TBC1D22A: variants seen among roughly 807,000 people sequenced by gnomAD.
The protein encoded by TBC1D22A is putative GTPase activator.
Under a neutral mutation model 60.2 loss-of-function variants are expected in TBC1D22A, and 38 were observed. The ratio of observed to expected loss-of-function variants is 0.63; its 90% CI spans 0.49 to 0.83. TBC1D22A has a LOEUF of 0.83. Ranked by LOEUF, TBC1D22A falls within the 40% of genes least tolerant of loss-of-function variation. TBC1D22A has a pLI of 0.00. For missense variants in TBC1D22A, 628 were observed against 701.0 expected (o/e 0.90, Z 1.18); for synonymous variants, 302 against 281.7 (o/e 1.07, Z -0.72).
chr22:47,096,619 T>C (rs181189498), intron 11 of TBC1D22A, among the ~76,000 whole-genome samples: 3 of 152,046 alleles, frequency 2.0e-5, no homozygotes, highest in Non-Finnish European at 2.9e-5. Context: ...GCCAGGAGTT[T>C]GAGACCAGCC....
In TBC1D22A at chr22:47,173,764, G is replaced by A. The variant is rs2068582460; in HGVS notation, c.*138G>A. On this transcript the variant is annotated 3_prime_UTR_variant, in exon 13 of 13. Transcript: ENST00000337137. ...GGCCCCACCCTCCAGGGGAGCTGGT[G>A]AAGATGGGCCACAGACCTGGTCTAG... 3 of 1,337,690 alleles carry A rather than the reference G, an allele frequency of 2.2e-6. No individual in the cohort carries two copies. The highest frequency in any genetic ancestry group is 2.1e-6 in the Non-Finnish European group (2 of 971,986). The allele number at this position is 1,337,690 out of a possible 1,614,324, so 82.9% of individuals were successfully genotyped here. A position where few individuals can be genotyped will look rare whatever the true frequency, so the allele number is the denominator to read the frequency against.
chr22:46,860,124 C>T (rs1303422913), intron 4 of TBC1D22A, among the ~76,000 whole-genome samples: 1 of 1,984 alleles, frequency 5.0e-4, no homozygotes, highest in African/African-American at 0.011. Flanking sequence ...TGCCGTGCCC[C>T]TTCCCGGGAC....
At chr22:46,915,768 AG>A (rs2070322990) in intron 8 of TBC1D22A, 1 of 456,654 alleles carries the variant, frequency 2.2e-6, no homozygotes, top group Non-Finnish European at 4.4e-6. Context: ...GAGCCTGTAA[AG>A]ATCCACAGAT....
At chr22:46,812,740 A>G (rs567123117) in intron 4 of TBC1D22A, among the ~76,000 whole-genome samples, 1 of 152,272 alleles carries the variant, frequency 6.6e-6, no homozygotes, top group East Asian at 1.9e-4. Context: ...GGCTTTACTG[A>G]CCCTTGTTTT....
intron 1 of TBC1D22A, chr22:46,774,279 A>C (rs546838428): frequency 3.7e-5 from 36 of 985,226 alleles, no homozygotes; most frequent in Middle Eastern, 5.2e-4. Context: ...CTCTTTGCAG[A>C]CAAGAGGCAG....
intron 12 of TBC1D22A, among the ~76,000 whole-genome samples, chr22:47,165,934 C>T (rs947786582): frequency 3.3e-5 from 5 of 152,194 alleles, no homozygotes; most frequent in Admixed American, 2.0e-4. Flanking sequence ...CTGCTCCCCG[C>T]GTCGCATGTC....
intron 1 of TBC1D22A, among the ~76,000 whole-genome samples, chr22:46,791,243 A>C (rs1038980223): frequency 6.6e-6 from 1 of 152,134 alleles, no homozygotes; most frequent in Non-Finnish European, 1.5e-5. Context: ...GCTGGTCCTA[A>C]ACTCCTGAGC....
intron 12 of TBC1D22A, among the ~76,000 whole-genome samples, chr22:47,156,839 A>G (rs1198994899): frequency 1.3e-5 from 2 of 151,862 alleles, no homozygotes; most frequent in East Asian, 3.9e-4. Context: ...CGCGCCGACC[A>G]CCCGATGCTC....
At position 46,775,615 on chromosome 22, in the gene TBC1D22A, A is replaced by G. The variant is rs2083671977; in HGVS notation, c.62+12767A>G. ...TAGAGGGTTGTTGGCTGTGGGCCGC[A>G]TTTTGTTTTCTCTTAGAATTAATCT... On this transcript the variant is annotated intron_variant, in intron 1 of 12. Transcript: ENST00000337137. Among the ~76,000 whole-genome samples the G allele has an allele frequency of 2.6e-5, 4 of 152,146 alleles. No individual in the cohort carries two copies. In the South Asian group the frequency reaches 6.2e-4, roughly 24 times the overall value.
chr22:47,166,012 C>A (rs765407733), intron 12 of TBC1D22A, among the ~76,000 whole-genome samples: 1 of 152,228 alleles, frequency 6.6e-6, no homozygotes, highest in Non-Finnish European at 1.5e-5. Flanking sequence ...GCAAATGGGC[C>A]TTTTAGCCCC....
intron 8 of TBC1D22A, among the ~76,000 whole-genome samples, chr22:46,958,132 C>T (rs1367791765): frequency 1.3e-5 from 2 of 152,038 alleles, no homozygotes; most frequent in Non-Finnish European, 2.9e-5. Context: ...CATCAGGGAG[C>T]CCTGAGGGCT....
chr22:47,055,695 C>T (rs780289907), intron 11 of TBC1D22A, among the ~76,000 whole-genome samples: 7 of 152,002 alleles, frequency 4.6e-5, no homozygotes, highest in Non-Finnish European at 8.8e-5. Context: ...TGGGCAGGCG[C>T]ACCTAGGAGG....
intron 5 of TBC1D22A, 29 bp from the exon 6 acceptor site, chr22:46,891,237 T>C (rs1447736648): frequency 1.9e-6 from 3 of 1,590,636 alleles, no homozygotes; most frequent in Non-Finnish European, 2.6e-6. Context: ...GCTATAACCA[T>C]GTATATTTTT....
intron 12 of TBC1D22A, among the ~76,000 whole-genome samples, chr22:47,112,705 C>T (rs889069851): frequency 6.6e-6 from 1 of 152,238 alleles, no homozygotes; most frequent in African/African-American, 2.4e-5. Flanking sequence ...GACGCTCCTT[C>T]TGCTAACTTA....
chr22:47,100,122 T>TG (rs1376182163), intron 11 of TBC1D22A, among the ~76,000 whole-genome samples: 2 of 152,346 alleles, frequency 1.3e-5, no homozygotes, highest in African/African-American at 4.8e-5. Flanking sequence ...TCCAGGGTGC[T>TG]GCCTGGCCCA....
chr22:46,874,274 A>C (rs2147455689), intron 4 of TBC1D22A, among the ~76,000 whole-genome samples: 1 of 152,148 alleles, frequency 6.6e-6, no homozygotes, highest in Non-Finnish European at 1.5e-5. Context: ...TAATAGAACG[A>C]TTTATATTAT....
rs543060444 is a variant in TBC1D22A, at chr22:46,937,220, A to T, written c.1015+25032A>T. ...AGAACAAGGAGAAAATCTTATTTTT[A>T]AAAAATAGAAGAAAATGCATTCTAG... On this transcript the variant is annotated intron_variant, in intron 8 of 12. Coordinates refer to ENST00000337137, the MANE Select transcript of TBC1D22A (RefSeq NM_014346.5). Among the ~76,000 whole-genome samples the T allele has an allele frequency of 4.6e-5, 7 of 152,324 alleles. No individual in the cohort carries two copies. The East Asian group carries it at 5.8e-4, about 13-fold the overall frequency.
At chr22:46,864,331 C>G (rs973487546) in intron 4 of TBC1D22A, among the ~76,000 whole-genome samples, 18 of 152,198 alleles carry the variant, frequency 1.2e-4, no homozygotes, top group Non-Finnish European at 2.6e-4. Flanking sequence ...ACAGAGCAGC[C>G]ACTATCCCTT....
chr22:46,765,055 T>G (rs1343168128), intron 1 of TBC1D22A, among the ~76,000 whole-genome samples: 1 of 152,246 alleles, frequency 6.6e-6, no homozygotes, highest in East Asian at 1.9e-4. Flanking sequence ...TCCTCTGACT[T>G]TGATGCTATT....
Sources: allele counts gnomAD v4.1 joint callset (sites outside exome capture counted in the v4.1 genomes callset), GRCh38; gene constraint gnomAD v4.1.1; transcripts MANE v1.5; gene names NCBI Gene and HGNC (gene_info 2026-07-23, HGNC 2026-07-21).